Variants in MFHAS1 observed in about 807,000 individuals in gnomAD.
The protein encoded by MFHAS1 is multifunctional ROCO family signaling regulator 1.
MFHAS1 carries 50 observed loss-of-function variants against 70.4 expected under a neutral mutation model. The ratio of observed to expected loss-of-function variants is 0.71; its 90% confidence interval spans 0.57 to 0.90. The LOEUF is 0.90. Ranked by LOEUF, MFHAS1 falls within the 40% of genes least tolerant of loss-of-function variation. The pLI, the probability that MFHAS1 is intolerant of heterozygous loss-of-function variation, is 0.00. For synonymous variants in MFHAS1, 952 were observed against 620.0 expected, an observed-to-expected ratio of 1.54 and a Z score of -7.96; for missense variants, 1,795 against 1,347.6, an observed-to-expected ratio of 1.33 and a Z score of -5.20.
At chr8:8,888,358 C>A (rs1025087742) in intron 1 of MFHAS1, among the ~76,000 whole-genome samples, 3 of 152,182 alleles carry the variant, frequency 2.0e-5, no homozygotes, top group African/African-American at 7.2e-5. Context: ...GGACAAAGAT[C>A]AGAGTGGGAC....
At position 8,890,480 on chromosome 8, in the gene MFHAS1, T is replaced by C. The variant is rs781775113; in HGVS notation, c.2579A>G (p.His860Arg). 4 of 1,613,868 alleles carry C rather than the reference T, an allele frequency of 2.5e-6. No individual in the cohort carries two copies. The South Asian group carries it at 3.3e-5, about 13-fold the overall frequency. Residue 860 changes from histidine (H) to arginine (R), a missense_variant, in exon 1 of 3, where the codon CAT becomes CGT. Transcript: ENST00000276282. Reference protein sequence around the residue: ...FPCYVQNEVPHAEAWINGTNL... With the variant: ...FPCYVQNEVPRAEAWINGTNL... ...GGTCCCATTAATCCAGGCTTCTGCA[T>C]GGGGCACCTCGTTCTGCACATAGCA...
chr8:8,789,368 G>C (rs561438606), intron 2 of MFHAS1, among the ~76,000 whole-genome samples: 1 of 152,152 alleles, frequency 6.6e-6, no homozygotes, highest in African/African-American at 2.4e-5. Flanking sequence ...CTTTGCGGGA[G>C]GAAGGCAATA....
At chr8:8,840,793 G>A (rs948464973) in intron 1 of MFHAS1, among the ~76,000 whole-genome samples, 1 of 152,140 alleles carries the variant, frequency 6.6e-6, no homozygotes, top group African/African-American at 2.4e-5. Context: ...GCCTAACCTA[G>A]TGATTTGCCT....
At chr8:8,827,144 G>C (rs920221365) in intron 1 of MFHAS1, among the ~76,000 whole-genome samples, 2 of 152,188 alleles carry the variant, frequency 1.3e-5, no homozygotes, top group Non-Finnish European at 2.9e-5. Context: ...TTAGTACGTA[G>C]AGAATTGTGC....
Position 8,893,118 on chromosome 8 carries a change from C to T in MFHAS1, c.-60G>A. The T allele has an allele frequency of 7.8e-7, 1 of 1,277,148 alleles. No homozygotes were observed. The highest frequency in any genetic ancestry group is 1.0e-6 in the Non-Finnish European group (1 of 985,282). The allele number at this position is 1,277,148 out of a possible 1,614,324, so 79.1% of individuals were successfully genotyped here. On this transcript the variant is annotated 5_prime_UTR_variant, in exon 1 of 3. Transcript: ENST00000276282. The stretch of plus-strand genomic sequence containing the variant: ...CGGGAGCCCGCAGCTACATGCCGCG[C>T]CGCGCCCCGGGCCCTCCGGCTCCTG...
intron 1 of MFHAS1, among the ~76,000 whole-genome samples, chr8:8,860,839 T>C (rs1284384604): frequency 2.0e-5 from 3 of 152,236 alleles, no homozygotes; most frequent in Non-Finnish European, 2.9e-5. Flanking sequence ...GCAAATTAAA[T>C]CATTGGTCTC....
intron 1 of MFHAS1, among the ~76,000 whole-genome samples, chr8:8,818,832 A>ACTTTCCACTTCCATCTTTCCCGC (rs1806840363): frequency 2.6e-5 from 4 of 152,140 alleles, no homozygotes; most frequent in African/African-American, 7.2e-5. Context: ...CTATCATTAT[A>ACTTTCCACTTCCATCTTTCCCGC]TTTCATCCCA....
intron 1 of MFHAS1, among the ~76,000 whole-genome samples, chr8:8,798,128 G>T (rs560045489): frequency 6.6e-6 from 1 of 152,114 alleles, no homozygotes; most frequent in African/African-American, 2.4e-5. Flanking sequence ...TTAAAGGAAC[G>T]CTATTACTCT....
At position 8,892,147 on chromosome 8, in the gene MFHAS1, A is replaced by G. The variant is rs1472568417; in HGVS notation, c.912T>C (p.Ser304=). 1 of 1,611,444 alleles carries G rather than the reference A, an allele frequency of 6.2e-7. No homozygotes were observed. Among genetic ancestry groups the G allele is most frequent in the Non-Finnish European group, 8.5e-7 (1 of 1,179,978 alleles). ...PLAGLEELYL[S]RNQLTSVPSL... is the part of the protein sequence containing the mutation. Reference sequence around the variant, plus strand: ...ATGGCACCGAGGTGAGCTGGTTGCGACTAAGGTAGAGCTCCTCCAGACCAG... The same window carrying G: ...ATGGCACCGAGGTGAGCTGGTTGCGGCTAAGGTAGAGCTCCTCCAGACCAG... Residue 304 remains serine, a synonymous_variant, in exon 1 of 3, where the codon AGT becomes AGC. Transcript: ENST00000276282. The surrounding 1 kb of genome is among the most constrained non-coding windows in gnomAD (Gnocchi z 4.7).
At chr8:8,856,675 T>C (rs1000848937) in intron 1 of MFHAS1, among the ~76,000 whole-genome samples, 2 of 152,098 alleles carry the variant, frequency 1.3e-5, no homozygotes, top group African/African-American at 4.8e-5. Context: ...ATGAAATTGG[T>C]CTTTTATTCC....
chr8:8,884,707 A>G (rs919141655), intron 1 of MFHAS1, among the ~76,000 whole-genome samples: 6 of 152,136 alleles, frequency 3.9e-5, no homozygotes, highest in Admixed American at 3.9e-4. Flanking sequence ...GCTCAAGCCT[A>G]TAATCCCAGC....
intron 1 of MFHAS1, among the ~76,000 whole-genome samples, chr8:8,842,985 G>T (rs1011456853): frequency 6.6e-6 from 1 of 152,220 alleles, no homozygotes; most frequent in African/African-American, 2.4e-5. Flanking sequence ...AGCGAAAGAG[G>T]CCGGGCGCGG....
At chr8:8,823,400 C>T (rs1386242302) in intron 1 of MFHAS1, among the ~76,000 whole-genome samples, 3 of 152,116 alleles carry the variant, frequency 2.0e-5, no homozygotes, top group African/African-American at 2.4e-5. Context: ...CCCCGCGCTC[C>T]GATCCTGGTG....
rs1274554117 is a variant in MFHAS1, at chr8:8,883,024, A to G, written c.2998+7037T>C. Reference sequence around the variant, plus strand: ...AAAAATTAGCCAGGCATGGTGGTGCACCCCTGTAGTCCCAGCTATTCAGGA... The same window carrying G: ...AAAAATTAGCCAGGCATGGTGGTGCGCCCCTGTAGTCCCAGCTATTCAGGA... On this transcript the variant is annotated intron_variant, in intron 1 of 2. Transcript: ENST00000276282. Among the ~76,000 whole-genome samples the G allele has an allele frequency of 2.0e-5, 3 of 152,044 alleles. No individual in the cohort carries two copies. In the East Asian group the frequency reaches 5.8e-4, roughly 30 times the overall value.
chr8:8,870,063 T>G (rs1339019526), intron 1 of MFHAS1, among the ~76,000 whole-genome samples: 1 of 151,944 alleles, frequency 6.6e-6, no homozygotes, highest in Non-Finnish European at 1.5e-5. Context: ...CCTCTCACCC[T>G]CTGAAAAAAA....
Position 8,783,723 on chromosome 8 carries a change from G to A in MFHAS1, c.*2299C>T, listed in dbSNP as rs1216123478. ...GCCTTGCTTAGAAAACATTCCTCTT[G>A]TGCTTAGTGAATCACCTATCGCCTC... On this transcript the variant is annotated 3_prime_UTR_variant, in exon 3 of 3. Coordinates refer to ENST00000276282, the MANE Select transcript of MFHAS1 (RefSeq NM_004225.3). The A allele has an allele frequency of 1.3e-5, 2 of 152,178 alleles. No homozygotes were observed. The highest frequency in any genetic ancestry group is 4.8e-5 in the African/African-American group (2 of 41,432). 9.4% of individuals were successfully genotyped at this position (152,178 alleles called of 1,614,324 possible).
intron 1 of MFHAS1, among the ~76,000 whole-genome samples, chr8:8,836,701 T>C (rs1035328021): frequency 1.1e-4 from 17 of 152,322 alleles, no homozygotes; most frequent in African/African-American, 4.1e-4. Flanking sequence ...TTTTGAACAC[T>C]TCCTGGTATC....
In MFHAS1 at chr8:8,890,794, C is replaced by T. The variant is rs1809979236; in HGVS notation, c.2265G>A (p.Gly755=). 6.2e-7 allele frequency: 1 copy of T among 1,614,140 alleles called. No homozygotes were observed. Among genetic ancestry groups the T allele is most frequent in the Non-Finnish European group, 8.5e-7 (1 of 1,180,014 alleles). ...CCTCCGCCTTGCCCTCTCCACTGGT[C>T]CCTAGGAGCAGCTTATGCAGCAGCA... The part of the protein sequence containing the change: ...PSLLLHKLLL[G]TSGEGKAEGE... The change falls in exon 1 of 3, where the codon GGG becomes GGA. Residue 755 remains glycine, a synonymous_variant. Coordinates refer to ENST00000276282, the MANE Select transcript of MFHAS1 (RefSeq NM_004225.3).
chr8:8,824,084 G>A (rs1807065930), intron 1 of MFHAS1, among the ~76,000 whole-genome samples: 1 of 151,210 alleles, frequency 6.6e-6, no homozygotes, highest in Non-Finnish European at 1.5e-5. Flanking sequence ...TGCCTGTGAG[G>A]CAGAACTAAA....
Sources: gnomAD v4.1 joint callset for allele counts (sites outside exome capture counted in the v4.1 genomes callset) on GRCh38, gnomAD v4.1.1 for gene constraint, Gnocchi (gnomAD v3.1) non-coding constraint, MANE v1.5 for transcripts, NCBI Gene and HGNC (gene_info 2026-07-23, HGNC 2026-07-21) for gene names.